TXNDC5: variants seen among roughly 807,000 people sequenced by gnomAD.
TXNDC5 encodes the protein thioredoxin domain-containing protein 5.
In TXNDC5, 44 loss-of-function variants were observed where a neutral mutation model predicts 52.6. That is an observed-to-expected ratio of 0.84 (90% CI 0.66 to 1.08). The LOEUF is 1.08. Among genes scored for constraint, TXNDC5 ranks in the 50% least tolerant of loss-of-function variants. The probability of loss-of-function intolerance (pLI) is 0.00; values close to 1 mark genes in which losing one functional copy is unlikely to be tolerated. For missense variants in TXNDC5, 600 were observed against 565.5 expected (o/e 1.06, Z -0.62); for synonymous variants, 241 against 234.4 (o/e 1.03, Z -0.26).
chr6:7,904,155 A>G (rs912727747), intron 2 of TXNDC5, among the ~76,000 whole-genome samples: 17 of 152,360 alleles, frequency 1.1e-4, no homozygotes, highest in Middle Eastern at 3.4e-3. Context: ...AGTAAGTATC[A>G]TCGTCTGTCA....
chr6:7,886,167 C>T (rs1561805773), intron 7 of TXNDC5, 124 bp from the exon 8 acceptor site: 4 of 758,292 alleles, frequency 5.3e-6, no homozygotes, highest in African/African-American at 1.8e-5. Context: ...GCTCCAAGGT[C>T]ACACAGAAAT....
intron 1 of TXNDC5, chr6:7,910,016 C>A: frequency 2.0e-6 from 2 of 986,090 alleles, no homozygotes; most frequent in Non-Finnish European, 2.4e-6. Flanking sequence ...CCCGGCTGCC[C>A]GAAAGGGCGA....
At chr6:7,903,279 TAC>T (rs571217497) in intron 2 of TXNDC5, among the ~76,000 whole-genome samples, 234 of 128,790 alleles carry the variant, frequency 1.8e-3, no homozygotes, top group African/African-American at 7.1e-3. Flanking sequence ...TTTACGTAGA[TAC>T]AGATAGTAAG....
intron 3 of TXNDC5, among the ~76,000 whole-genome samples, chr6:7,896,717 A>T (rs1581319980): frequency 1.3e-5 from 2 of 152,144 alleles, no homozygotes. Flanking sequence ...ACCGTGTGCC[A>T]CTCTCCATGA....
At chr6:7,892,469 T>C (rs1396052564) in intron 4 of TXNDC5, among the ~76,000 whole-genome samples, 1 of 152,206 alleles carries the variant, frequency 6.6e-6, no homozygotes, top group Admixed American at 6.5e-5. Flanking sequence ...CATACACATA[T>C]AGAACTATAG....
In TXNDC5 at chr6:7,882,854, CAAAGG is replaced by C. The variant is rs1226807976; in HGVS notation, c.*285_*289del. Reference sequence around the variant, plus strand: ...ATTTCCCTCAACGCTATTTTAGTCTCAAAGGAAACCATGTAAATTTCATCAAGAGA... The same window carrying C: ...ATTTCCCTCAACGCTATTTTAGTCTCAAACCATGTAAATTTCATCAAGAGA... On this transcript the variant is annotated 3_prime_UTR_variant, in exon 10 of 10. Transcript: ENST00000379757. 2.2e-5 allele frequency: 6 copies of C among 276,174 alleles called. No individual in the cohort carries two copies. The highest frequency in any genetic ancestry group is 3.4e-5 in the Non-Finnish European group (5 of 147,032). 17.1% of individuals were successfully genotyped at this position (276,174 alleles called of 1,614,324 possible).
chr6:7,902,343 T>G (rs1001472951), intron 2 of TXNDC5, among the ~76,000 whole-genome samples: 1 of 152,196 alleles, frequency 6.6e-6, no homozygotes, highest in Non-Finnish European at 1.5e-5. Context: ...GATTCATGAC[T>G]GGCCCAACAG....
At chr6:7,899,931 T>A (rs766332893) in intron 2 of TXNDC5, 3 of 329,548 alleles carry the variant, frequency 9.1e-6, no homozygotes, top group Non-Finnish European at 1.7e-5. Context: ...TCCAGCCCGC[T>A]GCTGTGACTG....
intron 9 of TXNDC5, 50 bp from the exon 10 acceptor site, chr6:7,883,316 G>T (rs1400209517): frequency 1.2e-6 from 2 of 1,610,996 alleles, no homozygotes; most frequent in Non-Finnish European, 1.7e-6. Flanking sequence ...CAGATCACAT[G>T]CAAATTGCTT....
intron 1 of TXNDC5, among the ~76,000 whole-genome samples, chr6:7,905,908 G>A (rs574339338): frequency 6.6e-6 from 1 of 152,202 alleles, no homozygotes; most frequent in East Asian, 1.9e-4. Flanking sequence ...TTAATAATCT[G>A]TTAAATCTCC....
intron 7 of TXNDC5, among the ~76,000 whole-genome samples, chr6:7,887,850 C>T (rs371834590): frequency 1.3e-5 from 2 of 152,156 alleles, no homozygotes; most frequent in Non-Finnish European, 1.5e-5. Flanking sequence ...CCGGCTGATT[C>T]TCGGGTTGTG....
Position 7,883,012 on chromosome 6 carries a change from G to T in TXNDC5, c.*132C>A. The stretch of plus-strand genomic sequence containing the variant: ...TTGGCTTGGAAAACACACACACAAA[G>T]AAGATACCTCACGCTTAGTATGTTC... On this transcript the variant is annotated 3_prime_UTR_variant, in exon 10 of 10. Coordinates refer to ENST00000379757, the MANE Select transcript of TXNDC5 (RefSeq NM_030810.5). 2 of 1,230,730 alleles carry T rather than the reference G, an allele frequency of 1.6e-6. No homozygotes were observed. The highest frequency in any genetic ancestry group is 2.5e-5 in the East Asian group (1 of 40,184). 76.2% of individuals were successfully genotyped at this position (1,230,730 alleles called of 1,614,324 possible).
chr6:7,894,745 G>T lies in TXNDC5; in HGVS notation c.616+361C>A. 3.0e-6 allele frequency: 3 copies of T among 985,412 alleles called. No individual in the cohort carries two copies. In the South Asian group the frequency reaches 1.4e-4, roughly 46 times the overall value. 61.0% of individuals were successfully genotyped at this position (985,412 alleles called of 1,614,324 possible). ...CGCTAGACCTGCCAGATGCTGGGCT[G>T]CCAAAATCCTCAATCCGTAAAAAAA... On this transcript the variant is annotated intron_variant, in intron 4 of 9. Coordinates refer to ENST00000379757, the MANE Select transcript of TXNDC5 (RefSeq NM_030810.5).
At chr6:7,883,416 C>A in intron 9 of TXNDC5, 150 bp from the exon 10 acceptor site, 1 of 1,118,324 alleles carries the variant, frequency 8.9e-7, no homozygotes. Flanking sequence ...AAAACAGGAG[C>A]AGACTACTGT....
chr6:7,883,778 T>C (rs1361437262), intron 9 of TXNDC5, among the ~76,000 whole-genome samples: 1 of 152,160 alleles, frequency 6.6e-6, no homozygotes, highest in Non-Finnish European at 1.5e-5. Context: ...TTACGTCTAT[T>C]CTCCATCTAA....
intron 7 of TXNDC5, among the ~76,000 whole-genome samples, chr6:7,887,564 C>T (rs763707418): frequency 6.6e-6 from 1 of 152,180 alleles, no homozygotes; most frequent in African/African-American, 2.4e-5. Context: ...ATCGCACAGT[C>T]ACGGCTGCAG....
rs562008592 is a variant in TXNDC5, at chr6:7,888,951, G to A, written c.820-103C>T. On this transcript the variant is annotated intron_variant, in intron 6 of 9. Coordinates refer to ENST00000379757, the MANE Select transcript of TXNDC5 (RefSeq NM_030810.5). ...CTTGCCCGGGTCAGAGCTCCCAGAT[G>A]TCTTAGCGGTGGTGCAAAGTCTGCA... 35 of 1,425,476 alleles carry A rather than the reference G, an allele frequency of 2.5e-5. 1 individual carries two copies. The South Asian group carries it at 4.6e-4, about 19-fold the overall frequency. 88.3% of individuals were successfully genotyped at this position (1,425,476 alleles called of 1,614,324 possible). A position where few individuals can be genotyped will look rare whatever the true frequency, so the allele number is the denominator to read the frequency against.
intron 2 of TXNDC5, among the ~76,000 whole-genome samples, chr6:7,902,916 T>C (rs1406343579): frequency 1.3e-5 from 2 of 152,182 alleles, no homozygotes; most frequent in South Asian, 2.1e-4. Context: ...AACTATGGAG[T>C]AGCTGATATT....
chr6:7,910,093 G>A, intron 1 of TXNDC5: 1 of 986,068 alleles, frequency 1.0e-6, no homozygotes, highest in Non-Finnish European at 1.2e-6. Context: ...GCGCGGCGCA[G>A]GGCGGGCTTT....
Sources: allele counts gnomAD v4.1 joint callset (sites outside exome capture counted in the v4.1 genomes callset), GRCh38; gene constraint gnomAD v4.1.1; transcripts MANE v1.5; gene names NCBI Gene and HGNC (gene_info 2026-07-23, HGNC 2026-07-21).